The following ACTL6B variants were observed in gnomAD, a reference collection of about 807,000 sequenced individuals.
The protein encoded by ACTL6B is actin like 6B, also known as actin-like protein 6B.
A neutral mutation model predicts 63.3 loss-of-function variants in ACTL6B; 48 were observed. The ratio of observed to expected loss-of-function variants is 0.76; its 90% CI spans 0.60 to 0.96. The LOEUF (loss-of-function observed/expected upper bound fraction) is 0.96, where lower values mean the gene tolerates loss of function less well. ACTL6B is among the 50% of genes least tolerant of loss of function. ACTL6B has a pLI of 0.00. For synonymous variants in ACTL6B, 230 were observed against 223.8 expected (o/e 1.03, Z -0.25); for missense variants, 350 against 572.2 (o/e 0.61, Z 3.96).
Position 100,648,973 on chromosome 7 carries a change from A to T in ACTL6B, c.468-150T>A, listed in dbSNP as rs984396074. On this transcript the variant is annotated intron_variant, in intron 5 of 13. Transcript: ENST00000160382. The surrounding 1 kb of genome is among the most constrained non-coding windows in gnomAD (Gnocchi z 4.4). ...CTGGTGATGACTCATCTCCTGGAGA[A>T]AGGCTCTGAGACCCCAGTTACTTCT... is the stretch of plus-strand genomic sequence containing the variant. The T allele has an allele frequency of 1.5e-6, 1 of 688,616 alleles. No individual in the cohort carries two copies. Among genetic ancestry groups the T allele is most frequent in the African/African-American group, 1.9e-5 (1 of 53,878 alleles). 42.7% of individuals were successfully genotyped at this position (688,616 alleles called of 1,614,324 possible). A position where few individuals can be genotyped will look rare whatever the true frequency, so the allele number is the denominator to read the frequency against.
intron 4 of ACTL6B, 76 bp from the exon 5 acceptor site, chr7:100,650,211 T>C (rs1458808918): frequency 8.2e-7 from 1 of 1,222,920 alleles, no homozygotes; most frequent in Non-Finnish European, 1.2e-6. Context: ...CGCAACCCAC[T>C]CACTCACACA....
At position 100,646,647 on chromosome 7, in the gene ACTL6B, C is replaced by T; in HGVS notation, c.1018-1G>A. 2 of 1,614,120 alleles carry T rather than the reference C, an allele frequency of 1.2e-6. No homozygotes were observed. Among genetic ancestry groups the T allele is most frequent in the Non-Finnish European group, 1.7e-6 (2 of 1,180,022 alleles). On this transcript the variant is annotated splice_acceptor_variant, in intron 11 of 13. Coordinates refer to ENST00000160382, the MANE Select transcript of ACTL6B (RefSeq NM_016188.5). LOFTEE classifies it high-confidence loss of function. This position sits in a 1 kb window ranked among gnomAD's most constrained non-coding sequence, Gnocchi z 6.1. ...TGACAATGACACTCCCGTACAGGCC[C>T]TGAGAGCAGGGAGAAGGAGTGAGCT...
Position 100,648,996 on chromosome 7 carries a change from TC to T in ACTL6B, c.468-174del. ...GAAAGGCTCTGAGACCCCAGTTACT[TC>T]TTTTTTTTTTTTTTTGAGATGGAGT... On this transcript the variant is annotated intron_variant, in intron 5 of 13. Coordinates refer to ENST00000160382, the MANE Select transcript of ACTL6B (RefSeq NM_016188.5). The surrounding 1 kb of genome is among the most constrained non-coding windows in gnomAD (Gnocchi z 4.4). Among the ~76,000 whole-genome samples the T allele has an allele frequency of 7.0e-6, 1 of 142,900 alleles. No individual in the cohort carries two copies. The highest frequency in any genetic ancestry group is 2.2e-4 in the South Asian group (1 of 4,604). The allele number at this position is 142,900 out of a possible 152,430, so 93.7% of individuals were successfully genotyped here.
rs775698209 is a variant in ACTL6B at position 100,643,340 on chromosome 7, G to T, written c.1201-14C>A. The T allele has an allele frequency of 9.9e-6, 16 of 1,613,132 alleles. No homozygotes were observed. Among genetic ancestry groups the T allele is most frequent in the African/African-American group, 2.7e-5 (2 of 74,950 alleles). On this transcript the variant is annotated splice_polypyrimidine_tract_variant and intron_variant, in intron 13 of 13. Coordinates refer to ENST00000160382, the MANE Select transcript of ACTL6B (RefSeq NM_016188.5). ...CTGGAAAGTGCCCTGGGTGGAGGGG[G>T]TAATATCAGGGTCAGGGTGGCCTTG... is the stretch of plus-strand genomic sequence containing the variant.
chr7:100,647,410 G>C lies in ACTL6B; in HGVS notation c.759+34C>G. On this transcript the variant is annotated intron_variant, in intron 8 of 13. Transcript: ENST00000160382. This position sits in a 1 kb window ranked among gnomAD's most constrained non-coding sequence, Gnocchi z 4.4. ...CCCGCCCCCGATTCATGGCAGGGGA[G>C]GGGGGTTTCAGGTGGCCCTCTCCAG... 1 of 1,601,322 alleles carries C rather than the reference G, an allele frequency of 6.2e-7. No homozygotes were observed. The highest frequency in any genetic ancestry group is 8.6e-7 in the Non-Finnish European group (1 of 1,169,242).
chr7:100,647,100 G>A lies in ACTL6B; in HGVS notation c.822-15C>T. On this transcript the variant is annotated splice_polypyrimidine_tract_variant and intron_variant, in intron 9 of 13. Transcript: ENST00000160382. The surrounding 1 kb of genome is among the most constrained non-coding windows in gnomAD (Gnocchi z 4.4). ...GTGCAGCCACCCTACCCAGAAGGGA[G>A]CAGGACTCTGCCTGGGGTGCTCAAG... The A allele has an allele frequency of 6.2e-7, 1 of 1,613,344 alleles. No individual in the cohort carries two copies. Among genetic ancestry groups the A allele is most frequent in the South Asian group, 1.1e-5 (1 of 91,068 alleles).
chr7:100,652,501 G>A (rs1803959942), intron 4 of ACTL6B, among the ~76,000 whole-genome samples: 1 of 149,602 alleles, frequency 6.7e-6, no homozygotes, highest in Non-Finnish European at 1.5e-5. Flanking sequence ...GGAGGCTGAG[G>A]CAGGAGAACC....
chr7:100,649,977 GCTCAGCAC>G, intron 5 of ACTL6B, 53 bp downstream of exon 5: 1 of 1,493,084 alleles, frequency 6.7e-7, no homozygotes, highest in Non-Finnish European at 9.3e-7. Flanking sequence ...TCACAGCTGA[GCTCAGCAC>G]AGGCCCCACC....
In ACTL6B at chr7:100,648,726, C is replaced by CA; in HGVS notation, c.562+2dup. ...GCACCCCCACCCCCTGCCGAAGCCC[C>CA]ACCTTGCTGCAGAACGTAGCCGTCA... On this transcript the variant is annotated splice_region_variant and intron_variant, in intron 6 of 13. Transcript: ENST00000160382. The surrounding 1 kb of genome is among the most constrained non-coding windows in gnomAD (Gnocchi z 4.4). 1.9e-6 allele frequency: 3 copies of CA among 1,614,076 alleles called. No individual in the cohort carries two copies. Among genetic ancestry groups the CA allele is most frequent in the Non-Finnish European group, 2.5e-6 (3 of 1,179,998 alleles).
Position 100,648,715 on chromosome 7 carries a change from T to C in ACTL6B, c.562+14A>G. On this transcript the variant is annotated intron_variant, in intron 6 of 13. Transcript: ENST00000160382. The surrounding 1 kb of genome is among the most constrained non-coding windows in gnomAD (Gnocchi z 4.4). ...GTCCTCCTGGAGCACCCCCACCCCC[T>C]GCCGAAGCCCCACCTTGCTGCAGAA... The C allele has an allele frequency of 6.2e-7, 1 of 1,613,844 alleles. No homozygotes were observed. Among genetic ancestry groups the C allele is most frequent in the Non-Finnish European group, 8.5e-7 (1 of 1,179,918 alleles).
intron 4 of ACTL6B, among the ~76,000 whole-genome samples, chr7:100,653,686 A>AAACAACAAC (rs539842177): frequency 2.0e-5 from 3 of 151,888 alleles, no homozygotes; most frequent in Admixed American, 6.6e-5. Context: ...ACAAAACCCC[A>AAACAACAAC]AACAACAACA....
At position 100,646,579 on chromosome 7, in the gene ACTL6B, T is replaced by C. The variant is rs1417150958; in HGVS notation, c.1085A>G (p.Asn362Ser). 9.9e-6 allele frequency: 16 copies of C among 1,613,922 alleles called. No homozygotes were observed. The highest frequency in any genetic ancestry group is 1.4e-5 in the Non-Finnish European group (16 of 1,180,004). ...TGGGGTCTTCTGGGAAAGCTCTCGA[T>C]TGAGCCTGTCAGTGAAGCCCTGCAG... ...TLLQGFTDRL[N>S]RELSQKTPPS... The change falls in exon 12 of 14, where the codon AAT (asparagine) becomes AGT (serine). Residue 362 changes from asparagine (N) to serine (S), a missense_variant. Coordinates refer to ENST00000160382, the MANE Select transcript of ACTL6B (RefSeq NM_016188.5). This position sits in a 1 kb window ranked among gnomAD's most constrained non-coding sequence, Gnocchi z 6.1.
Position 100,648,091 on chromosome 7 carries a change from C to CT in ACTL6B, c.669+464dup, listed in dbSNP as rs1176532352. 1.3e-5 allele frequency: 2 copies of CT among 155,082 alleles called. No homozygotes were observed. Among genetic ancestry groups the CT allele is most frequent in the African/African-American group, 4.8e-5 (2 of 41,554 alleles). 9.6% of individuals were successfully genotyped at this position (155,082 alleles called of 1,614,324 possible). A position where few individuals can be genotyped will look rare whatever the true frequency, so the allele number is the denominator to read the frequency against. ...TCTCCAGTCTCAGCCTCCCAAGTAG[C>CT]TGGGACTACAGGCATGCACCACCAT... On this transcript the variant is annotated intron_variant, in intron 7 of 13. Coordinates refer to ENST00000160382, the MANE Select transcript of ACTL6B (RefSeq NM_016188.5). This position sits in a 1 kb window ranked among gnomAD's most constrained non-coding sequence, Gnocchi z 4.4.
At position 100,655,938 on chromosome 7, in the gene ACTL6B, C is replaced by A; in HGVS notation, c.26-59G>T. ...CCCCGAACTCTCTCCCGCTAGGTAG[C>A]TCCGAGAGAAAGTCAGGGCAGAGCC... On this transcript the variant is annotated intron_variant, in intron 1 of 13. Coordinates refer to ENST00000160382, the MANE Select transcript of ACTL6B (RefSeq NM_016188.5). The surrounding 1 kb of genome is among the most constrained non-coding windows in gnomAD (Gnocchi z 4.4). 1 of 1,506,010 alleles carries A rather than the reference C, an allele frequency of 6.6e-7. No homozygotes were observed. The highest frequency in any genetic ancestry group is 9.0e-7 in the Non-Finnish European group (1 of 1,114,366). 93.3% of individuals were successfully genotyped at this position (1,506,010 alleles called of 1,614,324 possible). A position where few individuals can be genotyped will look rare whatever the true frequency, so the allele number is the denominator to read the frequency against.
Position 100,655,505 on chromosome 7 carries a change from C to T in ACTL6B, c.184G>A (p.Gly62Arg). The T allele has an allele frequency of 6.2e-7, 1 of 1,614,138 alleles. No homozygotes were observed. The highest frequency in any genetic ancestry group is 8.5e-7 in the Non-Finnish European group (1 of 1,180,010). Residue 62 changes from glycine to arginine, a missense_variant, in exon 3 of 14, where the codon GGG becomes AGG. Around this residue, in one of 3 missense-constraint regions of ACTL6B, gnomAD observed 250 missense variants for 364.7 expected, o/e 0.69. Coordinates refer to ENST00000160382, the MANE Select transcript of ACTL6B (RefSeq NM_016188.5). The surrounding 1 kb of genome is among the most constrained non-coding windows in gnomAD (Gnocchi z 4.4). ...TTGGTGTCGATGTGGAAGATCTTCC[C>T]TTTCTTCTCTTTGTCCCCCTCCAGC... ...LELEGDKEKKGKIFHIDTNAL... is the reference protein window; with the variant it reads ...LELEGDKEKKRKIFHIDTNAL...
chr7:100,654,053 A>G, intron 4 of ACTL6B, among the ~76,000 whole-genome samples: 1 of 151,804 alleles, frequency 6.6e-6, no homozygotes, highest in East Asian at 1.9e-4. Context: ...GCTCACTGCA[A>G]GCTCCGCCTC....
At chr7:100,651,877 C>A (rs1243345306) in intron 4 of ACTL6B, among the ~76,000 whole-genome samples, 1 of 152,168 alleles carries the variant, frequency 6.6e-6, no homozygotes, top group East Asian at 1.9e-4. Context: ...CTCTCATGAC[C>A]TTTCTAAGGC....
chr7:100,650,812 A>G (rs1229266117), intron 4 of ACTL6B, among the ~76,000 whole-genome samples: 2 of 152,222 alleles, frequency 1.3e-5, no homozygotes, highest in Non-Finnish European at 2.9e-5. Flanking sequence ...GATGGAAAAT[A>G]TAAGAGAAAA....
At chr7:100,644,591 G>A (rs139866633) in intron 13 of ACTL6B, among the ~76,000 whole-genome samples, 3 of 152,250 alleles carry the variant, frequency 2.0e-5, no homozygotes, top group African/African-American at 7.2e-5. Flanking sequence ...GGGACTACAG[G>A]TATGCGCCAC....
Sources: allele counts gnomAD v4.1 joint callset (sites outside exome capture counted in the v4.1 genomes callset), GRCh38; gene constraint gnomAD v4.1.1; regional missense constraint gnomAD v4.1.1; non-coding constraint Gnocchi (gnomAD v3.1); transcripts MANE v1.5; gene names NCBI Gene and HGNC (gene_info 2026-07-23, HGNC 2026-07-21).